The following DNAH7 variants were observed in gnomAD, a reference collection of about 807,000 sequenced individuals.
DNAH7 encodes the protein axonemal beta dynein heavy chain 7.
DNAH7 carries 397 observed loss-of-function variants against 444.6 expected under a neutral mutation model. The observed-to-expected ratio is 0.89, with a 90% CI of 0.82 to 0.97. The LOEUF is 0.97. Among genes scored for constraint, DNAH7 ranks in the 50% least tolerant of loss-of-function variants. The pLI is 0.00. For synonymous variants in DNAH7, 1,636 were observed against 1,624.4 expected, an observed-to-expected ratio of 1.01 and a Z score of -0.17; for missense variants, 4,902 against 4,800.8, an observed-to-expected ratio of 1.02 and a Z score of -0.62.
chr2:195,834,421 C>T (rs1698230811), intron 47 of DNAH7, 61 bp from the exon 48 acceptor site: 1 of 1,488,702 alleles, frequency 6.7e-7, no homozygotes, highest in South Asian at 1.4e-5. Context: ...ACTACTTAAT[C>T]ATGTTCACAT....
At chr2:196,055,756 G>A (rs986018830) in intron 2 of DNAH7, among the ~76,000 whole-genome samples, 1 of 152,134 alleles carries the variant, frequency 6.6e-6, no homozygotes, top group African/African-American at 2.4e-5. Flanking sequence ...GAGGTAATTC[G>A]AATGACATCT....
chr2:195,792,534 A>G (rs1695934680), intron 57 of DNAH7, among the ~76,000 whole-genome samples: 1 of 152,170 alleles, frequency 6.6e-6, no homozygotes, highest in East Asian at 1.9e-4. Flanking sequence ...GAGACAAAAG[A>G]GACGAGGCAA....
chr2:195,978,355 T>C (rs1024507885), intron 15 of DNAH7, among the ~76,000 whole-genome samples: 1 of 152,048 alleles, frequency 6.6e-6, no homozygotes, highest in African/African-American at 2.4e-5. Context: ...TTATAAGATA[T>C]TATTTGCAAA....
At chr2:195,808,296 T>C (rs1696801403) in intron 53 of DNAH7, among the ~76,000 whole-genome samples, 1 of 152,208 alleles carries the variant, frequency 6.6e-6, no homozygotes, top group African/African-American at 2.4e-5. Context: ...TTTCCTTTTC[T>C]CAAATGACAC....
chr2:195,840,678 C>A (rs1698630918), intron 47 of DNAH7, among the ~76,000 whole-genome samples: 1 of 151,626 alleles, frequency 6.6e-6, no homozygotes, highest in Admixed American at 6.6e-5. Flanking sequence ...AGTCAATATT[C>A]AAAAATAAAC....
At chr2:196,035,275 A>G (rs1487284650) in intron 5 of DNAH7, among the ~76,000 whole-genome samples, 1 of 152,234 alleles carries the variant, frequency 6.6e-6, no homozygotes, top group African/African-American at 2.4e-5. Flanking sequence ...CAAAAGTATG[A>G]ACAACAAAAG....
intron 6 of DNAH7, among the ~76,000 whole-genome samples, chr2:196,027,557 G>A (rs541705023): frequency 3.3e-5 from 5 of 151,848 alleles, no homozygotes; most frequent in Non-Finnish European, 7.4e-5. Flanking sequence ...TAGCAGTGTT[G>A]TCTTTGATAT....
intron 21 of DNAH7, among the ~76,000 whole-genome samples, chr2:195,930,791 T>C (rs565970407): frequency 1.3e-5 from 2 of 152,288 alleles, no homozygotes; most frequent in South Asian, 4.1e-4. Flanking sequence ...CCATCAATGG[T>C]GGCCTGGATT....
chr2:195,886,457 T>A (rs1701716970), intron 33 of DNAH7, among the ~76,000 whole-genome samples, 185 bp from the exon 34 acceptor site: 1 of 152,174 alleles, frequency 6.6e-6, no homozygotes, highest in Non-Finnish European at 1.5e-5. Flanking sequence ...ATTTAGGTAG[T>A]GTGTACTCTT....
At chr2:195,844,177 TAA>T (rs1019255402) in intron 47 of DNAH7, among the ~76,000 whole-genome samples, 3 of 152,218 alleles carry the variant, frequency 2.0e-5, no homozygotes, top group Non-Finnish European at 4.4e-5. Context: ...ACTTCTATTT[TAA>T]AAGTTTCCAT....
At position 196,026,883 on chromosome 2, in the gene DNAH7, C is replaced by A. The variant is rs748825326; in HGVS notation, c.544G>T (p.Asp182Tyr). 1.2e-6 allele frequency: 2 copies of A among 1,612,514 alleles called. No individual in the cohort carries two copies. Among genetic ancestry groups the A allele is most frequent in the Non-Finnish European group, 8.5e-7 (1 of 1,178,876 alleles). ...TCCAGTACGTGTTCTAGCCAAGAAT[C>A]TTCCATTGGGGCTACATGGTCTGTA... ...IDTDHVAPME[D>Y]SWLEHVLDLV... The change falls in exon 7 of 65, where the codon GAT (aspartate) becomes TAT (tyrosine). Residue 182 changes from aspartate (D) to tyrosine (Y), a missense_variant. Physicochemically the swap from Asp to Tyr is radical, Grantham distance 160 (BLOSUM62 -3). Coordinates refer to ENST00000312428, the MANE Select transcript of DNAH7 (RefSeq NM_018897.3).
Position 196,048,172 on chromosome 2 carries a change from T to C in DNAH7, c.250+124A>G, listed in dbSNP as rs1486069703. On this transcript the variant is annotated intron_variant, in intron 4 of 64. Coordinates refer to ENST00000312428, the MANE Select transcript of DNAH7 (RefSeq NM_018897.3). The stretch of plus-strand genomic sequence containing the variant: ...TCTGAGGGAAGATGTATTGGGAAAA[T>C]TTTTTTCTACTTGACATTAATGTCA... 24 of 764,140 alleles carry C rather than the reference T, an allele frequency of 3.1e-5. No homozygotes were observed. In the East Asian group the frequency reaches 4.4e-4, roughly 14 times the overall value. The allele number at this position is 764,140 out of a possible 1,614,324, so 47.3% of individuals were successfully genotyped here. A position where few individuals can be genotyped will look rare whatever the true frequency, so the allele number is the denominator to read the frequency against.
intron 30 of DNAH7, chr2:195,892,688 G>T (rs1035135162): frequency 6.6e-6 from 1 of 151,428 alleles, no homozygotes; most frequent in Non-Finnish European, 1.5e-5. Flanking sequence ...TTACACTAAG[G>T]GTTCACTCTT....
At chr2:196,044,781 C>CT (rs1371696739) in intron 5 of DNAH7, among the ~76,000 whole-genome samples, 2 of 152,004 alleles carry the variant, frequency 1.3e-5, no homozygotes, top group Non-Finnish European at 1.5e-5. Context: ...ATTGAAAGAA[C>CT]TACTGGTCAG....
chr2:195,984,637 T>C lies in DNAH7; in HGVS notation c.1828A>G (p.Met610Val), dbSNP rs1425220157. The change falls in exon 15 of 65, where the codon ATG becomes GTG. Residue 610 changes from methionine (M) to valine (V), a missense_variant. Coordinates refer to ENST00000312428, the MANE Select transcript of DNAH7 (RefSeq NM_018897.3). ...TPPNTAELME[M>V]KAYIQKVEVT... ...GGAGAAGCTATAAACAATACCTTCA[T>C]TTCCATTAGTTCTGCTGTATTTGGA... The C allele has an allele frequency of 6.2e-7, 1 of 1,613,674 alleles. No homozygotes were observed. Among genetic ancestry groups the C allele is most frequent in the South Asian group, 1.1e-5 (1 of 91,066 alleles).
chr2:195,999,705 A>G (rs2375642), intron 12 of DNAH7, among the ~76,000 whole-genome samples: 8,031 of 152,212 alleles, frequency 0.053, 703 homozygotes, highest in African/African-American at 0.18. Flanking sequence ...ATTTGAAAAG[A>G]ACCTAATGGA....
intron 45 of DNAH7, among the ~76,000 whole-genome samples, chr2:195,853,976 A>G (rs1003912933): frequency 3.3e-5 from 5 of 152,224 alleles, no homozygotes; most frequent in South Asian, 2.1e-4. Context: ...GATTATTTAC[A>G]AAGCACAATT....
Position 195,872,436 on chromosome 2 carries a change from G to A in DNAH7, c.6447C>T (p.Thr2149=). The change falls in exon 40 of 65, where the codon ACC becomes ACT. Residue 2149 remains threonine (T), a synonymous_variant. Coordinates refer to ENST00000312428, the MANE Select transcript of DNAH7 (RefSeq NM_018897.3). ...TCATTGTGCCATTTACGATTTGTGT[G>A]GTCAAATCTAGAAATTCATCTGGAA... ...YKFPDEFLDL[T]TQIVNGTMTL... The A allele has an allele frequency of 2.5e-6, 4 of 1,594,608 alleles. No individual in the cohort carries two copies. Among genetic ancestry groups the A allele is most frequent in the South Asian group, 1.2e-5 (1 of 85,500 alleles).
chr2:195,917,123 A>G (rs1271156867), intron 24 of DNAH7, among the ~76,000 whole-genome samples: 2 of 147,238 alleles, frequency 1.4e-5, no homozygotes, highest in South Asian at 4.3e-4. Flanking sequence ...AAAAAAAAAA[A>G]GATTGCATCA....
Sources: allele counts gnomAD v4.1 joint callset (sites outside exome capture counted in the v4.1 genomes callset), GRCh38; gene constraint gnomAD v4.1.1; transcripts MANE v1.5; gene names NCBI Gene and HGNC (gene_info 2026-07-23, HGNC 2026-07-21).